The following EIF3K variants were observed in gnomAD, a reference collection of about 807,000 sequenced individuals.
EIF3K encodes the protein eIF-3 p28.
EIF3K carries 27 observed loss-of-function variants against 34.2 expected under a neutral mutation model. That is an observed-to-expected ratio of 0.79 (90% CI 0.58 to 1.09). The LOEUF is 1.09. Ranked by LOEUF, EIF3K falls within the 50% of genes least tolerant of loss-of-function variation. The probability of loss-of-function intolerance (pLI) is 0.00; values close to 1 mark genes in which losing one functional copy is unlikely to be tolerated. For missense variants in EIF3K, 232 were observed against 275.4 expected (o/e 0.84, Z 1.11); for synonymous variants, 105 against 105.7 (o/e 0.99, Z 0.04).
Position 38,620,419 on chromosome 19 carries a change from C to G in EIF3K, c.142C>G (p.Leu48Val). Reference sequence around the variant, plus strand: ...AAATGCCTATGATCTGGAAGCCAACCTGGCTGTCCTGAAGCTGTAAGTGTC... The same window carrying G: ...AAATGCCTATGATCTGGAAGCCAACGTGGCTGTCCTGAAGCTGTAAGTGTC... The part of the protein sequence containing the change: ...KENAYDLEAN[L>V]AVLKLYQFNP... The change falls in exon 2 of 8, where the codon CTG becomes GTG. Residue 48 changes from leucine (L) to valine (V), a missense_variant. Transcript: ENST00000248342. 1.9e-6 allele frequency: 3 copies of G among 1,613,842 alleles called. No individual in the cohort carries two copies. The highest frequency in any genetic ancestry group is 2.5e-6 in the Non-Finnish European group (3 of 1,179,924).
chr19:38,629,390 G>C (rs1292774778), intron 4 of EIF3K, among the ~76,000 whole-genome samples: 1 of 152,144 alleles, frequency 6.6e-6, no homozygotes, highest in Non-Finnish European at 1.5e-5. Context: ...GACCTCCCAG[G>C]CTCAAGTGAT....
rs60551864 is a variant in EIF3K, at chr19:38,627,905, C to CT, written c.354+1816dup. On this transcript the variant is annotated intron_variant, in intron 4 of 7. Coordinates refer to ENST00000248342, the MANE Select transcript of EIF3K (RefSeq NM_013234.4). Reference sequence around the variant, plus strand: ...ACCTCTGAGGCATTTATTTTCTTTCCTTTTTTTTTTTTTGTTTGAGACCAT... The same window carrying CT: ...ACCTCTGAGGCATTTATTTTCTTTCCTTTTTTTTTTTTTTGTTTGAGACCAT... 2.5e-3 allele frequency among the ~76,000 whole-genome samples: 345 copies of CT among 140,180 alleles called. 1 individual carries two copies. Among genetic ancestry groups the CT allele is most frequent in the Admixed American group, 5.0e-3 (70 of 13,908 alleles). 92.0% of individuals were successfully genotyped at this position (140,180 alleles called of 152,430 possible). A position where few individuals can be genotyped will look rare whatever the true frequency, so the allele number is the denominator to read the frequency against.
chr19:38,619,363 C>T (rs200004003), intron 1 of EIF3K, 36 bp downstream of exon 1: 5 of 1,611,424 alleles, frequency 3.1e-6, no homozygotes, highest in Admixed American at 1.7e-5. Flanking sequence ...TCTGGCCAAG[C>T]GGGGCGGAGG....
intron 4 of EIF3K, among the ~76,000 whole-genome samples, chr19:38,631,595 G>A (rs956128486): frequency 3.3e-5 from 5 of 152,106 alleles, no homozygotes; most frequent in South Asian, 2.1e-4. Context: ...GCCCAGGGAC[G>A]GGCAGGAGAC....
chr19:38,621,380 T>G (rs1975837038), intron 2 of EIF3K, among the ~76,000 whole-genome samples: 1 of 151,812 alleles, frequency 6.6e-6, no homozygotes, highest in African/African-American at 2.4e-5. Flanking sequence ...ACCACTGCAC[T>G]CCAGCTTGGG....
In EIF3K at chr19:38,630,348, T is replaced by A. The variant is rs867589472; in HGVS notation, c.355-2082T>A. Reference sequence around the variant, plus strand: ...GTTTAATTATTTATTTATTTATTTATTTTTTTTTTTTTTTGAGATGGAGTC... The same window carrying A: ...GTTTAATTATTTATTTATTTATTTAATTTTTTTTTTTTTTGAGATGGAGTC... On this transcript the variant is annotated intron_variant, in intron 4 of 7. Coordinates refer to ENST00000248342, the MANE Select transcript of EIF3K (RefSeq NM_013234.4). Among the ~76,000 whole-genome samples the A allele has an allele frequency of 6.5e-3, 783 of 119,786 alleles. 12 individuals are homozygous for A. The highest frequency in any genetic ancestry group is 0.02 in the East Asian group (91 of 4,548). 78.6% of individuals were successfully genotyped at this position (119,786 alleles called of 152,430 possible). A position where few individuals can be genotyped will look rare whatever the true frequency, so the allele number is the denominator to read the frequency against.
At chr19:38,632,571 G>A in intron 5 of EIF3K, 30 bp from the exon 6 acceptor site, 1 of 1,613,270 alleles carries the variant, frequency 6.2e-7, no homozygotes, top group Non-Finnish European at 8.5e-7. Flanking sequence ...GGGGACAGCT[G>A]CTCACCGGTT....
intron 6 of EIF3K, chr19:38,632,879 A>G (rs1163341161): frequency 3.7e-6 from 2 of 533,578 alleles, no homozygotes; most frequent in Non-Finnish European, 6.6e-6. Flanking sequence ...TTTATTTTGC[A>G]TTAATTGAGT....
intron 3 of EIF3K, among the ~76,000 whole-genome samples, chr19:38,625,386 G>A (rs540709212): frequency 2.6e-5 from 4 of 151,798 alleles, no homozygotes; most frequent in Non-Finnish European, 5.9e-5. Context: ...GGCTGCTCTC[G>A]AACTCCTGAC....
chr19:38,621,589 T>TC (rs1179648421), intron 2 of EIF3K, among the ~76,000 whole-genome samples: 6 of 152,250 alleles, frequency 3.9e-5, no homozygotes, highest in African/African-American at 1.4e-4. Context: ...ATTCCCCTGC[T>TC]CCCCCATGCT....
chr19:38,629,333 C>T (rs575622570), intron 4 of EIF3K, among the ~76,000 whole-genome samples: 2 of 151,942 alleles, frequency 1.3e-5, no homozygotes, highest in Admixed American at 6.6e-5. Flanking sequence ...CTCACTCTGT[C>T]GCCCAGGCCG....
intron 6 of EIF3K, among the ~76,000 whole-genome samples, chr19:38,634,263 ATTTTT>A (rs34872970): frequency 8.8e-6 from 1 of 113,768 alleles, no homozygotes; most frequent in Non-Finnish European, 1.7e-5. Context: ...CGCCCAGCTA[ATTTTT>A]TTTTTTTTTT....
At chr19:38,619,586 C>G (rs1014760720) in intron 1 of EIF3K, among the ~76,000 whole-genome samples, 2 of 152,136 alleles carry the variant, frequency 1.3e-5, no homozygotes, top group Non-Finnish European at 2.9e-5. Context: ...ACAGCCAAAC[C>G]CCGTCTCTAA....
At chr19:38,627,050 G>A (rs1482874174) in intron 4 of EIF3K, among the ~76,000 whole-genome samples, 1 of 152,074 alleles carries the variant, frequency 6.6e-6, no homozygotes, top group African/African-American at 2.4e-5. Flanking sequence ...GCAGTGGCGC[G>A]ATCTTGGCTT....
intron 2 of EIF3K, among the ~76,000 whole-genome samples, chr19:38,623,120 T>C (rs561863676): frequency 3.9e-5 from 6 of 152,316 alleles, no homozygotes; most frequent in East Asian, 1.9e-4. Context: ...AGGGTATTGA[T>C]TGGGGAAGTG....
intron 4 of EIF3K, among the ~76,000 whole-genome samples, chr19:38,631,594 C>T (rs1031565450): frequency 9.2e-5 from 14 of 152,186 alleles, no homozygotes; most frequent in Non-Finnish European, 1.6e-4. Context: ...TGCCCAGGGA[C>T]GGGCAGGAGA....
intron 7 of EIF3K, among the ~76,000 whole-genome samples, chr19:38,636,667 A>C (rs932810355): frequency 6.6e-6 from 1 of 152,154 alleles, no homozygotes; most frequent in Non-Finnish European, 1.5e-5. Context: ...AACTTGTCCA[A>C]GTGACCCAGC....
chr19:38,633,526 CCT>C lies in EIF3K; in HGVS notation c.499+853_499+854del, dbSNP rs1030466876. 1.9e-4 allele frequency among the ~76,000 whole-genome samples: 29 copies of C among 151,890 alleles called. 2 individuals are homozygous for C. The highest frequency in any genetic ancestry group is 1.9e-4 in the Non-Finnish European group (13 of 67,970). ...CAGCCTGCCCAACATGGTAAAACCC[CCT>C]CTCTACTAAAAATACAAAAAATTGC... On this transcript the variant is annotated intron_variant, in intron 6 of 7. Transcript: ENST00000248342.
chr19:38,628,450 C>T (rs1975992729), intron 4 of EIF3K: 1 of 152,498 alleles, frequency 6.6e-6, no homozygotes, highest in African/African-American at 2.4e-5. Context: ...CACAGGGTCT[C>T]CATCCCCACA....
Sources: gnomAD v4.1 joint callset for allele counts (sites outside exome capture counted in the v4.1 genomes callset) on GRCh38, gnomAD v4.1.1 for gene constraint, MANE v1.5 for transcripts, NCBI Gene and HGNC (gene_info 2026-07-23, HGNC 2026-07-21) for gene names.